RUNX2: variants seen among roughly 807,000 people sequenced by gnomAD.
RUNX2 encodes runt-related transcription factor 2.
A neutral mutation model predicts 51.7 loss-of-function variants in RUNX2; 10 were observed. That is an observed-to-expected ratio of 0.19 (90% confidence interval 0.12 to 0.33). The LOEUF is 0.33. RUNX2 is among the 10% of genes least tolerant of loss of function. RUNX2 has a pLI of 1.00. For missense variants in RUNX2, 562 were observed against 691.3 expected (o/e 0.81, Z 2.10); for synonymous variants, 276 against 273.6 (o/e 1.01, Z -0.09).
rs1166979310 is a variant in RUNX2, at chr6:45,550,280, AC to A, written c.*2976del. ...GCTTTGGTTTTAGATTAGTGGAATA[AC>A]ATTCAGCCCAGAACTGAGAAACTCA... On this transcript the variant is annotated 3_prime_UTR_variant, in exon 9 of 9. Transcript: ENST00000647337. 1 of 152,378 alleles carries A rather than the reference AC, an allele frequency of 6.6e-6. No homozygotes were observed. The highest frequency in any genetic ancestry group is 2.4e-5 in the African/African-American group (1 of 41,468). 9.4% of individuals were successfully genotyped at this position (152,378 alleles called of 1,614,324 possible).
chr6:45,527,744 A>G (rs1368466420), intron 7 of RUNX2, among the ~76,000 whole-genome samples: 1 of 152,114 alleles, frequency 6.6e-6, no homozygotes, highest in East Asian at 1.9e-4. Context: ...TTTGACTGAA[A>G]ATTTTTAGGT....
Position 45,328,341 on chromosome 6 carries a change from A to G in RUNX2, c.-186A>G, listed in dbSNP as rs1562960709. 7.3e-7 allele frequency: 1 copy of G among 1,378,892 alleles called. No homozygotes were observed. The highest frequency in any genetic ancestry group is 2.1e-4 in the Middle Eastern group (1 of 4,830). 85.4% of individuals were successfully genotyped at this position (1,378,892 alleles called of 1,614,324 possible). A position where few individuals can be genotyped will look rare whatever the true frequency, so the allele number is the denominator to read the frequency against. ...TGTGTGAATGCTTCATTCGCCTCAC[A>G]AACAACCACAGAACCACAAGTGCGG... On this transcript the variant is annotated 5_prime_UTR_variant, in exon 1 of 9. Transcript: ENST00000647337.
At chr6:45,359,494 T>C (rs543747027) in intron 2 of RUNX2, among the ~76,000 whole-genome samples, 64 of 152,288 alleles carry the variant, frequency 4.2e-4, no homozygotes, top group African/African-American at 1.5e-3. Context: ...TATTTTAGTG[T>C]AATTTAAATA....
intron 7 of RUNX2, among the ~76,000 whole-genome samples, chr6:45,524,479 G>A (rs939299659): frequency 4.6e-5 from 7 of 152,062 alleles, no homozygotes; most frequent in Admixed American, 2.6e-4. Flanking sequence ...TACCCAAAAC[G>A]GTCACCGTTC....
At chr6:45,527,934 T>G (rs1000937521) in intron 7 of RUNX2, among the ~76,000 whole-genome samples, 1 of 152,168 alleles carries the variant, frequency 6.6e-6, no homozygotes, top group Admixed American at 6.5e-5. Flanking sequence ...ACCCAAGAAC[T>G]GAGTAATTTA....
At chr6:45,473,882 G>T (rs1284522532) in intron 5 of RUNX2, among the ~76,000 whole-genome samples, 1 of 152,252 alleles carries the variant, frequency 6.6e-6, no homozygotes, top group African/African-American at 2.4e-5. Flanking sequence ...GGTCATAGTT[G>T]TGAAAGTTAG....
At chr6:45,339,997 G>C (rs1052809610) in intron 2 of RUNX2, among the ~76,000 whole-genome samples, 6 of 152,078 alleles carry the variant, frequency 3.9e-5, no homozygotes, top group Non-Finnish European at 7.4e-5. Flanking sequence ...CTGAGAATGA[G>C]GTAAAGGAAC....
At chr6:45,481,097 T>TTCTCTG (rs1388634650) in intron 5 of RUNX2, among the ~76,000 whole-genome samples, 2 of 152,206 alleles carry the variant, frequency 1.3e-5, no homozygotes, top group Non-Finnish European at 2.9e-5. Context: ...GTCTCTCTGT[T>TTCTCTG]TCTCTGTCTC....
intron 5 of RUNX2, among the ~76,000 whole-genome samples, chr6:45,466,808 G>A (rs1044557288): frequency 3.3e-5 from 5 of 152,170 alleles, no homozygotes; most frequent in African/African-American, 1.2e-4. Flanking sequence ...TAGAACCTTA[G>A]AGTTGTAACA....
intron 5 of RUNX2, among the ~76,000 whole-genome samples, chr6:45,471,315 T>G (rs1454458817): frequency 6.6e-6 from 1 of 152,108 alleles, no homozygotes; most frequent in Non-Finnish European, 1.5e-5. Flanking sequence ...TGGGAGATAT[T>G]TATGGATATA....
chr6:45,401,829 C>G (rs941679735), intron 2 of RUNX2, among the ~76,000 whole-genome samples: 2 of 152,206 alleles, frequency 1.3e-5, no homozygotes, highest in Non-Finnish European at 2.9e-5. Flanking sequence ...GCCTTAGTGG[C>G]AGTTCAGATG....
chr6:45,365,290 C>T lies in RUNX2; in HGVS notation c.58+36506C>T, dbSNP rs767594992. 18 of 1,605,922 alleles carry T rather than the reference C, an allele frequency of 1.1e-5. No individual in the cohort carries two copies. The South Asian group carries it at 1.4e-4, about 13-fold the overall frequency. On this transcript the variant is annotated intron_variant, in intron 2 of 8. Transcript: ENST00000647337. ...TTGCAGTAGACATTGGACTAGCTGC[C>T]GTATTATTCATCTAAATAAAAAGGA...
At chr6:45,528,006 C>A (rs139031807) in intron 7 of RUNX2, among the ~76,000 whole-genome samples, 4 of 152,118 alleles carry the variant, frequency 2.6e-5, no homozygotes, top group Non-Finnish European at 4.4e-5. Context: ...TCAATCATGG[C>A]AAAACGCGAA....
At chr6:45,366,056 T>A (rs1181428100) in intron 2 of RUNX2, among the ~76,000 whole-genome samples, 1 of 152,172 alleles carries the variant, frequency 6.6e-6, no homozygotes, top group Non-Finnish European at 1.5e-5. Flanking sequence ...ATTAAAATAA[T>A]GTCATGAAAG....
intron 4 of RUNX2, among the ~76,000 whole-genome samples, chr6:45,435,514 C>T (rs781160632): frequency 7.9e-5 from 12 of 152,110 alleles, no homozygotes; most frequent in Non-Finnish European, 1.6e-4. Context: ...TGCGTCACCA[C>T]GCCCAGCTAA....
chr6:45,469,300 T>C (rs956318444), intron 5 of RUNX2, among the ~76,000 whole-genome samples: 6 of 152,224 alleles, frequency 3.9e-5, no homozygotes, highest in Non-Finnish European at 8.8e-5. Flanking sequence ...TGAATGTTTA[T>C]CGGGTAAATG....
intron 7 of RUNX2, among the ~76,000 whole-genome samples, chr6:45,527,904 C>T (rs1801720119): frequency 6.6e-6 from 1 of 152,122 alleles, no homozygotes; most frequent in Non-Finnish European, 1.5e-5. Context: ...AGTCTGTTCT[C>T]ATGCTGCTAA....
chr6:45,529,158 C>A (rs1178752704), intron 7 of RUNX2, among the ~76,000 whole-genome samples: 1 of 152,154 alleles, frequency 6.6e-6, no homozygotes, highest in Admixed American at 6.5e-5. Flanking sequence ...TCTTATATTT[C>A]CTGTTTAAAA....
Position 45,420,030 on chromosome 6 carries a change from T to G in RUNX2, c.59-2563T>G, listed in dbSNP as rs1331663315. Among the ~76,000 whole-genome samples the G allele has an allele frequency of 4.0e-5, 6 of 151,432 alleles. No homozygotes were observed. In the East Asian group the frequency reaches 1.2e-3, roughly 30 times the overall value. ...GACCGACGAGGGAGGCGTGGAGCAGTGCATGGAGGAAGGGCAGGTAAAAAT... is the reference window on the plus strand; with the variant it reads ...GACCGACGAGGGAGGCGTGGAGCAGGGCATGGAGGAAGGGCAGGTAAAAAT... On this transcript the variant is annotated intron_variant, in intron 2 of 8. Coordinates refer to ENST00000647337, the MANE Select transcript of RUNX2 (RefSeq NM_001024630.4).
Sources: allele counts gnomAD v4.1 joint callset (sites outside exome capture counted in the v4.1 genomes callset), GRCh38; gene constraint gnomAD v4.1.1; transcripts MANE v1.5; gene names NCBI Gene and HGNC (gene_info 2026-07-23, HGNC 2026-07-21).